The following TBC1D19 variants were observed in gnomAD, a reference collection of about 807,000 sequenced individuals.
The protein encoded by TBC1D19 is TBC1 domain family member 19.
TBC1D19 carries 60 observed loss-of-function variants against 89.0 expected under a neutral mutation model. That is an observed-to-expected ratio of 0.67 (90% CI 0.55 to 0.84). The LOEUF (loss-of-function observed/expected upper bound fraction) is 0.84, where lower values mean the gene tolerates loss of function less well. Among genes scored for constraint, TBC1D19 ranks in the 40% least tolerant of loss-of-function variants. The pLI, the probability that TBC1D19 is intolerant of heterozygous loss-of-function variation, is 0.00. For synonymous variants in TBC1D19, 189 were observed against 199.7 expected, an observed-to-expected ratio of 0.95 and a Z score of 0.45; for missense variants, 500 against 610.8, an observed-to-expected ratio of 0.82 and a Z score of 1.91.
chr4:26,765,697 T>C, the TBC1D19 span, among the ~76,000 whole-genome samples: 2 of 152,272 alleles, frequency 1.3e-5, no homozygotes, highest in South Asian at 2.1e-4. Flanking sequence ...AAGCCTGATA[T>C]GGTCTAATCA....
upstream of TBC1D19, among the ~76,000 whole-genome samples, chr4:26,580,319 C>T (rs575404761): frequency 6.6e-6 from 1 of 152,268 alleles, no homozygotes; most frequent in South Asian, 2.1e-4. Context: ...GGTTTAAGCA[C>T]CTTTGGTGCT....
chr4:26,672,333 T>A (rs1437875242), intron 10 of TBC1D19, 146 bp downstream of exon 10: 1 of 633,032 alleles, frequency 1.6e-6, no homozygotes, highest in Non-Finnish European at 2.3e-6. Context: ...GTAGATTACA[T>A]AATGAGAATC....
upstream of TBC1D19, among the ~76,000 whole-genome samples, chr4:26,581,697 A>G (rs971632454): frequency 2.0e-5 from 3 of 152,224 alleles, no homozygotes; most frequent in Non-Finnish European, 4.4e-5. Context: ...AAATTTCCAG[A>G]CACACAGGTG....
At chr4:26,779,818 A>G in the TBC1D19 span, among the ~76,000 whole-genome samples, 8 of 152,318 alleles carry the variant, frequency 5.3e-5, no homozygotes, top group East Asian at 1.4e-3. Flanking sequence ...ACTCCAGCTT[A>G]TAATTTACAT....
chr4:26,841,820 A>G, the TBC1D19 span, among the ~76,000 whole-genome samples: 1 of 152,222 alleles, frequency 6.6e-6, no homozygotes, highest in Non-Finnish European at 1.5e-5. Context: ...GGGTCAAGCC[A>G]TAAAATATGA....
chr4:26,651,196 C>T (rs189987611), intron 7 of TBC1D19, among the ~76,000 whole-genome samples: 110 of 152,270 alleles, frequency 7.2e-4, no homozygotes, highest in Middle Eastern at 6.8e-3. Context: ...CTTGGCACTG[C>T]GGGCTCTTTT....
intron 18 of TBC1D19, among the ~76,000 whole-genome samples, chr4:26,743,157 C>G (rs543696544): frequency 6.6e-6 from 1 of 152,056 alleles, no homozygotes; most frequent in African/African-American, 2.4e-5. Flanking sequence ...ATTATTGGTT[C>G]TATCTCTCTC....
At chr4:26,745,767 C>T (rs1291349929) in intron 18 of TBC1D19, among the ~76,000 whole-genome samples, 1 of 151,974 alleles carries the variant, frequency 6.6e-6, no homozygotes, top group African/African-American at 2.4e-5. Flanking sequence ...CTGCCTTGGC[C>T]TCCCAAAGTC....
chr4:26,647,001 CT>C (rs2109031996), intron 7 of TBC1D19, among the ~76,000 whole-genome samples: 1 of 152,236 alleles, frequency 6.6e-6, no homozygotes, highest in Admixed American at 6.5e-5. Context: ...CATATACATA[CT>C]CAGGAAATCT....
intron 15 of TBC1D19, among the ~76,000 whole-genome samples, chr4:26,730,790 C>A (rs968385748): frequency 6.6e-6 from 1 of 152,164 alleles, no homozygotes; most frequent in Non-Finnish European, 1.5e-5. Context: ...AAATAGCCAG[C>A]CTTTGGCCAC....
the TBC1D19 span, among the ~76,000 whole-genome samples, chr4:26,767,081 G>A: frequency 3.3e-5 from 5 of 152,000 alleles, no homozygotes; most frequent in Admixed American, 3.3e-4. Flanking sequence ...GAGGCAGGAG[G>A]GTTGCTTGAG....
the TBC1D19 span, among the ~76,000 whole-genome samples, chr4:26,792,674 TA>T: frequency 0.83 from 126,443 of 152,234 alleles, 52,679 homozygotes; most frequent in South Asian, 0.91. Context: ...TTCTGAACAA[TA>T]ATCTGTTTTA....
At chr4:26,816,651 A>T in the TBC1D19 span, among the ~76,000 whole-genome samples, 1 of 152,232 alleles carries the variant, frequency 6.6e-6, no homozygotes, top group Admixed American at 6.5e-5. Context: ...GGATTCAATC[A>T]TGAGAAAACA....
At chr4:26,722,644 T>A (rs1377181665) in intron 15 of TBC1D19, among the ~76,000 whole-genome samples, 1 of 152,148 alleles carries the variant, frequency 6.6e-6, no homozygotes, top group African/African-American at 2.4e-5. Flanking sequence ...CAGCATATTA[T>A]AATTTAGCAT....
the TBC1D19 span, among the ~76,000 whole-genome samples, chr4:26,774,137 T>C: frequency 6.6e-6 from 1 of 152,200 alleles, no homozygotes; most frequent in Non-Finnish European, 1.5e-5. Context: ...TCCTTTGGCA[T>C]TGAGACCATT....
chr4:26,679,276 A>C (rs917087293), intron 11 of TBC1D19, among the ~76,000 whole-genome samples: 3 of 152,108 alleles, frequency 2.0e-5, no homozygotes, highest in African/African-American at 7.2e-5. Flanking sequence ...GCCTCAGGAC[A>C]TGGTGCCCTG....
At chr4:26,748,663 T>C in intron 19 of TBC1D19, 137 bp downstream of exon 19, 1 of 656,496 alleles carries the variant, frequency 1.5e-6, no homozygotes, top group Non-Finnish European at 2.6e-6. Context: ...TATCTGGCTT[T>C]GACGATAAGT....
the TBC1D19 span, among the ~76,000 whole-genome samples, chr4:26,780,116 A>G: frequency 6.6e-6 from 1 of 152,238 alleles, no homozygotes; most frequent in South Asian, 2.1e-4. Flanking sequence ...AGAGCAAACT[A>G]ATTCACTTTG....
chr4:26,622,675 T>C, intron 4 of TBC1D19, among the ~76,000 whole-genome samples: 1 of 152,304 alleles, frequency 6.6e-6, no homozygotes, highest in Non-Finnish European at 1.5e-5. Context: ...AGGATAATCT[T>C]GTGACACATG....
Sources: allele counts gnomAD v4.1 joint callset (sites outside exome capture counted in the v4.1 genomes callset), GRCh38; gene constraint gnomAD v4.1.1; transcripts MANE v1.5; gene names NCBI Gene and HGNC (gene_info 2026-07-23, HGNC 2026-07-21).